Variants in SNTG2 observed in about 807,000 individuals in gnomAD.
SNTG2 encodes gamma-2-syntrophin.
A neutral mutation model predicts 70.9 loss-of-function variants in SNTG2; 74 were observed. The observed-to-expected ratio is 1.04, with a 90% CI of 0.86 to 1.27. SNTG2 has a LOEUF of 1.27. SNTG2 is among the 50% of genes most tolerant of loss of function. SNTG2 has a pLI of 0.00. For missense variants in SNTG2, 717 were observed against 690.7 expected (o/e 1.04, Z -0.43); for synonymous variants, 278 against 273.8 (o/e 1.02, Z -0.15).
At chr2:1,034,958 G>C (rs1379673377) in intron 1 of SNTG2, among the ~76,000 whole-genome samples, 1 of 152,136 alleles carries the variant, frequency 6.6e-6, no homozygotes, top group South Asian at 2.1e-4. Context: ...AGACCACACA[G>C]TAGGACATAA....
At chr2:1,065,343 A>T (rs765436871) in intron 1 of SNTG2, among the ~76,000 whole-genome samples, 7 of 152,102 alleles carry the variant, frequency 4.6e-5, no homozygotes, top group Non-Finnish European at 8.8e-5. Flanking sequence ...AACCATAAAT[A>T]GTCACAGGGA....
rs1460212782 is a variant in SNTG2, at chr2:1,221,755, G to C, written c.719+12525G>C. On this transcript the variant is annotated intron_variant, in intron 9 of 16. Transcript: ENST00000308624. ...TCTGTCTCTCTCTGTCTCTGTCTGT[G>C]TCTCTCTCTGTCTCTGCCTCTCTCT... Among the ~76,000 whole-genome samples, 2 of 10,374 alleles carry C rather than the reference G, an allele frequency of 1.9e-4. 1 individual carries two copies. The highest frequency in any genetic ancestry group is 3.4e-4 in the Non-Finnish European group (2 of 5,876). The allele number at this position is 10,374 out of a possible 152,430, so 6.8% of individuals were successfully genotyped here.
intron 14 of SNTG2, among the ~76,000 whole-genome samples, chr2:1,291,939 A>T (rs1481406023): frequency 6.6e-6 from 1 of 152,190 alleles, no homozygotes; most frequent in African/African-American, 2.4e-5. Context: ...TGGACATCCG[A>T]ACATCATTAA....
chr2:1,230,329 C>T (rs7567263), intron 9 of SNTG2, among the ~76,000 whole-genome samples: 30,493 of 152,104 alleles, frequency 0.2, 4,528 homozygotes, highest in African/African-American at 0.41. Flanking sequence ...ATCAGAGGGA[C>T]GGGCACTGGA....
rs528201678 is a variant in SNTG2 at position 1,041,961 on chromosome 2, A to G, written c.73-41557A>G. Reference sequence around the variant, plus strand: ...TGCACCATCTTTTTCCCAGAGTTCCAATTATTATGACTTAATAATACCATA... The same window carrying G: ...TGCACCATCTTTTTCCCAGAGTTCCGATTATTATGACTTAATAATACCATA... On this transcript the variant is annotated intron_variant, in intron 1 of 16. Transcript: ENST00000308624. 2.0e-5 allele frequency among the ~76,000 whole-genome samples: 3 copies of G among 152,144 alleles called. No individual in the cohort carries two copies. In the South Asian group the frequency reaches 6.2e-4, roughly 32 times the overall value.
chr2:1,352,737 C>T (rs1053125344), intron 16 of SNTG2, among the ~76,000 whole-genome samples: 6 of 152,204 alleles, frequency 3.9e-5, no homozygotes, highest in Non-Finnish European at 8.8e-5. Flanking sequence ...GCCAGTCTTG[C>T]AACACATTGG....
intron 6 of SNTG2, among the ~76,000 whole-genome samples, chr2:1,151,694 G>T (rs62105995): frequency 0.14 from 20,643 of 152,004 alleles, 1,940 homozygotes; most frequent in African/African-American, 0.25. Flanking sequence ...GATTTGCTGC[G>T]CGCCCTTTGC....
At chr2:1,302,411 A>G (rs1011228090) in intron 14 of SNTG2, among the ~76,000 whole-genome samples, 5 of 152,102 alleles carry the variant, frequency 3.3e-5, no homozygotes, top group Admixed American at 2.6e-4. Flanking sequence ...TCTATACTTC[A>G]ACTAAACTCA....
intron 16 of SNTG2, among the ~76,000 whole-genome samples, chr2:1,331,715 A>G (rs974888588): frequency 6.6e-6 from 1 of 152,046 alleles, no homozygotes; most frequent in Non-Finnish European, 1.5e-5. Context: ...TGTGGCCTCT[A>G]CCTCAGCCTG....
rs373840395 is a variant in SNTG2, at chr2:1,203,182, A to G, written c.592-5921A>G. Among the ~76,000 whole-genome samples the G allele has an allele frequency of 1.4e-4, 21 of 152,326 alleles. No individual in the cohort carries two copies. The East Asian group carries it at 3.9e-3, about 28-fold the overall frequency. Reference sequence around the variant, plus strand: ...AATGCTGGGCCATGATCTACTACTTAGGACTAAAAAGATTTATACAAAACT... The same window carrying G: ...AATGCTGGGCCATGATCTACTACTTGGGACTAAAAAGATTTATACAAAACT... On this transcript the variant is annotated intron_variant, in intron 8 of 16. Transcript: ENST00000308624.
At chr2:1,024,518 C>T (rs771143232) in intron 1 of SNTG2, among the ~76,000 whole-genome samples, 8 of 152,190 alleles carry the variant, frequency 5.3e-5, no homozygotes, top group Admixed American at 1.3e-4. Flanking sequence ...CACAGGCTCA[C>T]GCCACCACAC....
intron 8 of SNTG2, among the ~76,000 whole-genome samples, chr2:1,201,308 T>C (rs1191646957): frequency 6.6e-6 from 1 of 151,808 alleles, no homozygotes; most frequent in African/African-American, 2.4e-5. Flanking sequence ...AAGACAAATA[T>C]CACATGTTAT....
rs573287717 is a variant in SNTG2 at position 1,088,487 on chromosome 2, C to T, written c.210+4832C>T. On this transcript the variant is annotated intron_variant, in intron 2 of 16. Coordinates refer to ENST00000308624, the MANE Select transcript of SNTG2 (RefSeq NM_018968.4). ...TTAGGGGAAGGTCTGATGGACACCT[C>T]GGCCTGTGCTCCACAGAGCTCATCA... Among the ~76,000 whole-genome samples, 89 of 152,326 alleles carry T rather than the reference C, an allele frequency of 5.8e-4. No homozygotes were observed. The Middle Eastern group carries it at 0.01, about 17-fold the overall frequency.
chr2:1,042,445 G>T (rs1035108238), intron 1 of SNTG2, among the ~76,000 whole-genome samples: 1 of 152,058 alleles, frequency 6.6e-6, no homozygotes, highest in African/African-American at 2.4e-5. Flanking sequence ...GTGTCATGGG[G>T]GTTTGGTGTA....
chr2:1,043,045 T>A (rs1391508139), intron 1 of SNTG2, among the ~76,000 whole-genome samples: 1 of 152,218 alleles, frequency 6.6e-6, no homozygotes, highest in Non-Finnish European at 1.5e-5. Context: ...GTTTTATAAC[T>A]TTTTAATAAT....
intron 1 of SNTG2, among the ~76,000 whole-genome samples, chr2:993,316 A>G (rs1419673289): frequency 6.9e-6 from 1 of 145,806 alleles, no homozygotes; most frequent in Non-Finnish European, 1.5e-5. Flanking sequence ...TAGCATAATG[A>G]TTTCAAGTTC....
intron 14 of SNTG2, among the ~76,000 whole-genome samples, chr2:1,276,811 A>C (rs1446703631): frequency 1.3e-5 from 2 of 152,250 alleles, no homozygotes; most frequent in Admixed American, 1.3e-4. Context: ...CCTAGATTTC[A>C]TTAGAAACAT....
chr2:1,241,678 T>G (rs1238827339), intron 11 of SNTG2, among the ~76,000 whole-genome samples: 1 of 152,166 alleles, frequency 6.6e-6, no homozygotes, highest in African/African-American at 2.4e-5. Flanking sequence ...GATGAAATAA[T>G]GGTTCAGAGA....
intron 16 of SNTG2, among the ~76,000 whole-genome samples, chr2:1,329,289 G>T (rs1182737132): frequency 1.3e-5 from 2 of 152,080 alleles, no homozygotes; most frequent in Admixed American, 1.3e-4. Flanking sequence ...AATGTCTATC[G>T]CATTCTAAAT....
Sources: gnomAD v4.1 joint callset for allele counts (sites outside exome capture counted in the v4.1 genomes callset) on GRCh38, gnomAD v4.1.1 for gene constraint, MANE v1.5 for transcripts, NCBI Gene and HGNC (gene_info 2026-07-23, HGNC 2026-07-21) for gene names.